Variants in FGD3 observed in about 807,000 individuals in gnomAD.
FGD3 encodes FYVE, RhoGEF and PH domain-containing protein 3.
FGD3 carries 45 observed loss-of-function variants against 71.8 expected under a neutral mutation model. The ratio of observed to expected loss-of-function variants is 0.63; its 90% CI spans 0.49 to 0.80. The LOEUF (loss-of-function observed/expected upper bound fraction) is 0.80, where lower values mean the gene tolerates loss of function less well. FGD3 is among the 30% of genes least tolerant of loss of function. FGD3 has a pLI of 0.00. For missense variants in FGD3, 844 were observed against 951.5 expected, an observed-to-expected ratio of 0.89 and a Z score of 1.49; for synonymous variants, 378 against 392.8, an observed-to-expected ratio of 0.96 and a Z score of 0.44.
At chr9:93,018,426 C>G (rs763029813) in intron 11 of FGD3, among the ~76,000 whole-genome samples, 1 of 152,202 alleles carries the variant, frequency 6.6e-6, no homozygotes, top group East Asian at 1.9e-4. Flanking sequence ...TTTAATTGGC[C>G]GAGGAGATGG....
intron 14 of FGD3, among the ~76,000 whole-genome samples, chr9:93,028,197 GACACAC>G (rs371150500): frequency 3.4e-5 from 5 of 147,216 alleles, no homozygotes; most frequent in Non-Finnish European, 6.0e-5. Flanking sequence ...CCCTAGCCCC[GACACAC>G]ACACACACAC....
At chr9:92,978,765 TGCCCCTCCCC>T (rs1564148146) in intron 3 of FGD3, among the ~76,000 whole-genome samples, 1 of 15,410 alleles carries the variant, frequency 6.5e-5, no homozygotes, top group African/African-American at 3.4e-4. Context: ...CACTCCTCTC[TGCCCCTCCCC>T]TCCCCTCCCC....
intron 3 of FGD3, among the ~76,000 whole-genome samples, chr9:92,997,585 T>G (rs1222852529): frequency 1.3e-5 from 2 of 152,192 alleles, no homozygotes; most frequent in East Asian, 3.8e-4. Flanking sequence ...TCTTTATAAT[T>G]TGGCACGTTT....
rs1241129541 is a variant in FGD3 at position 93,036,169 on chromosome 9, G to A, written c.*580G>A. 2.0e-5 allele frequency: 3 copies of A among 152,640 alleles called. No individual in the cohort carries two copies. The highest frequency in any genetic ancestry group is 6.5e-5 in the Admixed American group (1 of 15,300). The allele number at this position is 152,640 out of a possible 1,614,324, so 9.5% of individuals were successfully genotyped here. On this transcript the variant is annotated 3_prime_UTR_variant, in exon 18 of 18. Coordinates refer to ENST00000375482, the MANE Select transcript of FGD3 (RefSeq NM_001083536.2). The stretch of plus-strand genomic sequence containing the variant: ...ACTGAGTGGCAGGCGCATGAGATTT[G>A]TGGCTGTTCCTGATGCTAGTGGCAC...
chr9:93,009,784 CAG>C (rs1216126065), intron 6 of FGD3, among the ~76,000 whole-genome samples: 1 of 152,212 alleles, frequency 6.6e-6, no homozygotes, highest in Non-Finnish European at 1.5e-5. Context: ...GAGCGATCTG[CAG>C]AAGGACTCCC....
At chr9:92,976,822 GGCTC>G in intron 3 of FGD3, 113 bp downstream of exon 3, 1 of 1,206,406 alleles carries the variant, frequency 8.3e-7, no homozygotes, top group Non-Finnish European at 1.1e-6. Context: ...GTGGCACACA[GGCTC>G]GTGCTGTGTG....
intron 1 of FGD3, among the ~76,000 whole-genome samples, chr9:92,962,934 C>A (rs191718122): frequency 7.9e-6 from 1 of 126,698 alleles, no homozygotes; most frequent in Non-Finnish European, 1.6e-5. Flanking sequence ...AGTGAGGCTC[C>A]GTCTCAAAAA....
intron 14 of FGD3, among the ~76,000 whole-genome samples, chr9:93,027,690 G>A (rs1259178914): frequency 7.0e-6 from 1 of 143,366 alleles, no homozygotes; most frequent in African/African-American, 2.6e-5. Context: ...CCCCCAACCA[G>A]TTCAGTTCAT....
chr9:93,029,460 TG>T (rs1862272195), intron 14 of FGD3, among the ~76,000 whole-genome samples: 1 of 152,208 alleles, frequency 6.6e-6, no homozygotes, highest in African/African-American at 2.4e-5. Flanking sequence ...AGCAGGCGCA[TG>T]GCCACACGGC....
chr9:92,999,840 C>T (rs1860795460), intron 3 of FGD3, among the ~76,000 whole-genome samples: 2 of 152,196 alleles, frequency 1.3e-5, no homozygotes, highest in East Asian at 1.9e-4. Context: ...GATCTCCCTG[C>T]CTTGTCCTCT....
intron 1 of FGD3, among the ~76,000 whole-genome samples, chr9:92,959,203 C>T (rs1431017267): frequency 1.3e-5 from 2 of 152,108 alleles, no homozygotes; most frequent in African/African-American, 2.4e-5. Context: ...TCAGGCAATC[C>T]GCCCACCTTG....
chr9:92,981,612 T>A (rs576460990), intron 3 of FGD3, among the ~76,000 whole-genome samples: 100 of 152,270 alleles, frequency 6.6e-4, no homozygotes, highest in Non-Finnish European at 1.2e-3. Context: ...TCTGTTTATT[T>A]TATTGGTTTA....
Position 92,966,721 on chromosome 9 carries a change from C to T in FGD3, c.-217-8517C>T, listed in dbSNP as rs1328327097. 2.6e-5 allele frequency among the ~76,000 whole-genome samples: 4 copies of T among 152,290 alleles called. No homozygotes were observed. In the East Asian group the frequency reaches 7.8e-4, roughly 30 times the overall value. ...CAAGAGTGTGTGAATGAGGGCTGAG[C>T]TCCGCAGCCTCAGAAAGGGACACTA... is the stretch of plus-strand genomic sequence containing the variant. On this transcript the variant is annotated intron_variant, in intron 1 of 17. Coordinates refer to ENST00000375482, the MANE Select transcript of FGD3 (RefSeq NM_001083536.2).
intron 5 of FGD3, among the ~76,000 whole-genome samples, chr9:93,005,807 C>G (rs541756636): frequency 9.2e-5 from 14 of 152,320 alleles, no homozygotes; most frequent in Middle Eastern, 3.4e-3. Flanking sequence ...GGACTTTTAA[C>G]TGTTTTACAG....
At chr9:93,023,602 G>A (rs1289241999) in intron 14 of FGD3, among the ~76,000 whole-genome samples, 1 of 152,014 alleles carries the variant, frequency 6.6e-6, no homozygotes, top group Non-Finnish European at 1.5e-5. Context: ...CCTCTCACTT[G>A]TCTCTTCTTG....
At chr9:93,008,735 G>A (rs1201814525) in intron 6 of FGD3, among the ~76,000 whole-genome samples, 5 of 152,128 alleles carry the variant, frequency 3.3e-5, no homozygotes, top group Non-Finnish European at 7.3e-5. Context: ...AGGCCCAGGT[G>A]GGCGGATCAC....
rs778059305 is a variant in FGD3, at chr9:93,029,891, A to G, written c.1575A>G (p.Leu525=). 111 of 1,613,012 alleles carry G rather than the reference A, an allele frequency of 6.9e-5. No homozygotes were observed. The highest frequency in any genetic ancestry group is 2.1e-4 in the South Asian group (19 of 91,030). Residue 525 remains leucine, a synonymous_variant, in exon 15 of 18, where the codon CTA becomes CTG. Transcript: ENST00000375482. The part of the protein sequence containing the change: ...SGAAGLEPRK[L]SSKTRRDKEK... Reference sequence around the variant, plus strand: ...CCTTATAGCTCGAGCCCAGAAAACTATCCTCTAAGACCAGACGTGACAAGG... The same window carrying G: ...CCTTATAGCTCGAGCCCAGAAAACTGTCCTCTAAGACCAGACGTGACAAGG...
intron 1 of FGD3, among the ~76,000 whole-genome samples, chr9:92,965,544 C>T (rs1424939351): frequency 2.0e-5 from 3 of 152,200 alleles, no homozygotes; most frequent in South Asian, 2.1e-4. Context: ...CCTCAGGGGG[C>T]GGAGGTCCAC....
chr9:92,963,343 A>G (rs1258395258), intron 1 of FGD3, among the ~76,000 whole-genome samples: 1 of 152,166 alleles, frequency 6.6e-6, no homozygotes, highest in Non-Finnish European at 1.5e-5. Flanking sequence ...TCTGTCCCCC[A>G]GGCTGGAGTG....
Sources: gnomAD v4.1 joint callset for allele counts (sites outside exome capture counted in the v4.1 genomes callset) on GRCh38, gnomAD v4.1.1 for gene constraint, MANE v1.5 for transcripts, NCBI Gene and HGNC (gene_info 2026-07-23, HGNC 2026-07-21) for gene names.